RBPMS2: variants seen among roughly 807,000 people sequenced by gnomAD.
RBPMS2 encodes the protein RNA binding protein, mRNA processing factor 2, also known as RNA-binding protein with multiple splicing 2.
RBPMS2 carries 14 observed loss-of-function variants against 25.7 expected under a neutral mutation model. The ratio of observed to expected loss-of-function variants is 0.55; its 90% CI spans 0.36 to 0.85. The LOEUF (loss-of-function observed/expected upper bound fraction) is 0.85. Ranked by LOEUF, RBPMS2 falls within the 40% of genes least tolerant of loss-of-function variation. The pLI is 0.01. For synonymous variants in RBPMS2, 127 were observed against 115.6 expected (o/e 1.10, Z -0.63); for missense variants, 252 against 283.4 (o/e 0.89, Z 0.80).
chr15:64,768,333 A>G (rs1350022275), intron 1 of RBPMS2, among the ~76,000 whole-genome samples: 1 of 151,752 alleles, frequency 6.6e-6, no homozygotes, highest in Non-Finnish European at 1.5e-5. Flanking sequence ...CAAAGCAGAC[A>G]CTGTCTCTAC....
chr15:64,770,133 C>G (rs1298517216), intron 1 of RBPMS2, among the ~76,000 whole-genome samples: 1 of 151,952 alleles, frequency 6.6e-6, no homozygotes, highest in Non-Finnish European at 1.5e-5. Context: ...GAGCCAAGAT[C>G]ATACCACTGC....
intron 1 of RBPMS2, among the ~76,000 whole-genome samples, chr15:64,774,652 T>C (rs1385530511): frequency 6.7e-6 from 1 of 149,140 alleles, no homozygotes; most frequent in African/African-American, 2.5e-5. Context: ...AATTGTGGGC[T>C]CACCTCTGCC....
intron 7 of RBPMS2, 62 bp downstream of exon 7, chr15:64,741,111 A>G (rs2083557496): frequency 7.7e-7 from 1 of 1,294,096 alleles, no homozygotes; most frequent in South Asian, 1.3e-5. Context: ...GGGAGGAACT[A>G]CGGCCCTTCA....
chr15:64,743,206 A>G (rs547202427), intron 6 of RBPMS2, among the ~76,000 whole-genome samples: 1 of 152,286 alleles, frequency 6.6e-6, no homozygotes, highest in East Asian at 1.9e-4. Flanking sequence ...GACAGAATGG[A>G]AGGAGCTCAG....
chr15:64,760,437 T>A (rs1040569219), intron 1 of RBPMS2, among the ~76,000 whole-genome samples: 1 of 152,224 alleles, frequency 6.6e-6, no homozygotes, highest in Admixed American at 6.5e-5. Flanking sequence ...AGGTAAACAC[T>A]GCTTTCAAAA....
Position 64,756,516 on chromosome 15 carries a change from C to CAAA in RBPMS2, c.88-4881_88-4879dup, listed in dbSNP as rs771497391. On this transcript the variant is annotated intron_variant, in intron 1 of 7. Coordinates refer to ENST00000300069, the MANE Select transcript of RBPMS2 (RefSeq NM_194272.3). The stretch of plus-strand genomic sequence containing the variant: ...TGGGCAGGAGAGCAAGACCCTGTCT[C>CAAA]AAAAAAAAAAAAAAGGCAAAGAGAA... Among the ~76,000 whole-genome samples, 376 of 122,082 alleles carry CAAA rather than the reference C, an allele frequency of 3.1e-3. 2 individuals are homozygous for CAAA. Among genetic ancestry groups the CAAA allele is most frequent in the African/African-American group, 0.011 (360 of 33,568 alleles). 80.1% of individuals were successfully genotyped at this position (122,082 alleles called of 152,430 possible). A position where few individuals can be genotyped will look rare whatever the true frequency, so the allele number is the denominator to read the frequency against.
At chr15:64,753,290 A>G (rs938395740) in intron 1 of RBPMS2, among the ~76,000 whole-genome samples, 1 of 152,192 alleles carries the variant, frequency 6.6e-6, no homozygotes, top group Non-Finnish European at 1.5e-5. Flanking sequence ...TCTTGAAAGC[A>G]TTAAGTTGCC....
At position 64,748,432 on chromosome 15, in the gene RBPMS2, G is replaced by A. The variant is rs1186967789; in HGVS notation, c.554C>T (p.Ala185Val). 6.2e-7 allele frequency: 1 copy of A among 1,613,870 alleles called. No homozygotes were observed. Among genetic ancestry groups the A allele is most frequent in the Non-Finnish European group, 8.5e-7 (1 of 1,180,000 alleles). Residue 185 changes from alanine to valine, a missense_variant, in exon 6 of 8, where the codon GCC becomes GTC. Coordinates refer to ENST00000300069, the MANE Select transcript of RBPMS2 (RefSeq NM_194272.3). Reference protein sequence around the residue: ...TYPTATAAAAALHAQVRWYPS... With the variant: ...TYPTATAAAAVLHAQVRWYPS... ...TAAAGGGCTTACCTGAGCGTGGAGG[G>A]CGGCGGCAGCGGCAGTGGCAGTTGG...
chr15:64,755,249 A>G (rs1788191610), intron 1 of RBPMS2, among the ~76,000 whole-genome samples: 1 of 151,968 alleles, frequency 6.6e-6, no homozygotes, highest in African/African-American at 2.4e-5. Context: ...TTCAGGTTCT[A>G]TAGAGTCCAA....
At chr15:64,767,090 TACTTTTTTTTTCTC>T (rs1050736722) in intron 1 of RBPMS2, among the ~76,000 whole-genome samples, 2 of 152,092 alleles carry the variant, frequency 1.3e-5, no homozygotes, top group African/African-American at 4.8e-5. Context: ...TTCGGTTTTT[TACTTTTTTTTTCTC>T]TCTTTTTTTT....
intron 1 of RBPMS2, among the ~76,000 whole-genome samples, chr15:64,764,920 C>CAAAAAAAA (rs34364733): frequency 9.7e-6 from 1 of 103,372 alleles, no homozygotes; most frequent in South Asian, 3.3e-4. Context: ...GACTCCGTCT[C>CAAAAAAAA]AAAAAAAAAA....
chr15:64,767,669 G>C (rs576235114), intron 1 of RBPMS2, among the ~76,000 whole-genome samples: 10 of 152,188 alleles, frequency 6.6e-5, no homozygotes, highest in African/African-American at 2.2e-4. Context: ...TCCCAGCCTT[G>C]AGTGGGATTT....
chr15:64,767,737 C>A (rs1030771476), intron 1 of RBPMS2, among the ~76,000 whole-genome samples: 1 of 152,038 alleles, frequency 6.6e-6, no homozygotes, highest in Non-Finnish European at 1.5e-5. Context: ...CAGTGTGGCA[C>A]GATCTCACTG....
intron 1 of RBPMS2, among the ~76,000 whole-genome samples, chr15:64,759,612 C>A (rs1377319530): frequency 6.6e-6 from 1 of 152,134 alleles, no homozygotes; most frequent in Non-Finnish European, 1.5e-5. Flanking sequence ...CAGGAGCACC[C>A]AAGACACCAG....
At chr15:64,749,705 C>G (rs2083657300) in intron 3 of RBPMS2, among the ~76,000 whole-genome samples, 1 of 152,178 alleles carries the variant, frequency 6.6e-6, no homozygotes, top group African/African-American at 2.4e-5. Context: ...GTCAAGTCTC[C>G]CTCCCCAGGA....
chr15:64,762,536 C>T (rs768907453), intron 1 of RBPMS2: 6 of 534,142 alleles, frequency 1.1e-5, no homozygotes, highest in Admixed American at 9.7e-5. Flanking sequence ...GGAAAGAGAC[C>T]CCACTGAGAA....
At chr15:64,773,332 C>A (rs937580626) in intron 1 of RBPMS2, among the ~76,000 whole-genome samples, 2 of 152,212 alleles carry the variant, frequency 1.3e-5, no homozygotes, top group African/African-American at 4.8e-5. Context: ...GGGGAATAAC[C>A]CTTTCCCTTA....
Position 64,758,186 on chromosome 15 carries a change from G to T in RBPMS2, c.88-6548C>A, listed in dbSNP as rs1300129250. ...TTCTCACAATCTCAGGCTGCTGGAA[G>T]GCACCAAACGCATTCACTTGGGCCC... On this transcript the variant is annotated intron_variant, in intron 1 of 7. Transcript: ENST00000300069. Among the ~76,000 whole-genome samples, 7 of 152,302 alleles carry T rather than the reference G, an allele frequency of 4.6e-5. No individual in the cohort carries two copies. In the South Asian group the frequency reaches 1.4e-3, roughly 32 times the overall value.
Position 64,775,293 on chromosome 15 carries a change from C to T in RBPMS2, c.27G>A (p.Glu9=). Residue 9 remains glutamate, a synonymous_variant, in exon 1 of 8, where the codon GAG becomes GAA. Transcript: ENST00000300069. ...AGCCGGTGCCGGTGCTGCCGCCGTG[C>T]TCGCCGTCCGGCTTCAGGTTGCTCA... MSNLKPDG[E]HGGSTGTGSG... 7.4e-7 allele frequency: 1 copy of T among 1,353,780 alleles called. No individual in the cohort carries two copies. The highest frequency in any genetic ancestry group is 9.6e-7 in the Non-Finnish European group (1 of 1,046,258). The allele number at this position is 1,353,780 out of a possible 1,614,324, so 83.9% of individuals were successfully genotyped here. A position where few individuals can be genotyped will look rare whatever the true frequency, so the allele number is the denominator to read the frequency against.
Sources: gnomAD v4.1 joint callset for allele counts (sites outside exome capture counted in the v4.1 genomes callset) on GRCh38, gnomAD v4.1.1 for gene constraint, MANE v1.5 for transcripts, NCBI Gene and HGNC (gene_info 2026-07-23, HGNC 2026-07-21) for gene names.